The following FUBP3 variants were observed in gnomAD, a reference collection of about 807,000 sequenced individuals.
FUBP3 encodes far upstream element binding protein 3, also known as far upstream element-binding protein 3.
A neutral mutation model predicts 85.6 loss-of-function variants in FUBP3; 28 were observed. That is an observed-to-expected ratio of 0.33 (90% CI 0.24 to 0.45). The LOEUF (loss-of-function observed/expected upper bound fraction) is 0.45. Among genes scored for constraint, FUBP3 ranks in the 20% least tolerant of loss-of-function variants. The pLI, the probability that FUBP3 is intolerant of heterozygous loss-of-function variation, is 1.00. For synonymous variants in FUBP3, 271 were observed against 271.4 expected, an observed-to-expected ratio of 1.00 and a Z score of 0.01; for missense variants, 583 against 755.1, an observed-to-expected ratio of 0.77 and a Z score of 2.67.
At chr9:130,602,840 C>T in intron 2 of FUBP3, among the ~76,000 whole-genome samples, 1 of 152,098 alleles carries the variant, frequency 6.6e-6, no homozygotes, top group East Asian at 1.9e-4. Context: ...AGCTCCTTAC[C>T]TCCTGTCTGC....
intron 11 of FUBP3, among the ~76,000 whole-genome samples, chr9:130,624,874 T>G (rs780152529): frequency 6.6e-6 from 1 of 152,050 alleles, no homozygotes; most frequent in Admixed American, 6.6e-5. Context: ...TCACCTGAGG[T>G]CAGGAGTTCG....
chr9:130,614,613 C>G (rs1831909041), intron 6 of FUBP3, among the ~76,000 whole-genome samples: 1 of 152,200 alleles, frequency 6.6e-6, no homozygotes. Flanking sequence ...ACATTCACCC[C>G]ACCTGAATGC....
rs1283726157 is a variant in FUBP3 at position 130,612,848 on chromosome 9, G to A, written c.275-108G>A. ...GGGCTCACGGGGGCCAACTCGATGT[G>A]TAGTATTGTGAGCCAAGTGTCACAG... On this transcript the variant is annotated intron_variant, in intron 4 of 18. Transcript: ENST00000319725. This position sits in a 1 kb window ranked among gnomAD's most constrained non-coding sequence, Gnocchi z 4.1. The A allele has an allele frequency of 1.3e-6, 1 of 795,936 alleles. No homozygotes were observed. Among genetic ancestry groups the A allele is most frequent in the Non-Finnish European group, 2.2e-6 (1 of 457,484 alleles). The allele number at this position is 795,936 out of a possible 1,614,324, so 49.3% of individuals were successfully genotyped here. A position where few individuals can be genotyped will look rare whatever the true frequency, so the allele number is the denominator to read the frequency against.
chr9:130,590,928 A>G (rs1564191895), intron 1 of FUBP3, among the ~76,000 whole-genome samples: 1 of 151,426 alleles, frequency 6.6e-6, no homozygotes, highest in African/African-American at 2.4e-5. Flanking sequence ...AATCTTCGAC[A>G]TACCATTTAC....
In FUBP3 at chr9:130,638,165, G is replaced by T. The variant is rs1317420048; in HGVS notation, c.*1143G>T. The T allele has an allele frequency of 6.6e-6, 1 of 152,488 alleles. No homozygotes were observed. Among genetic ancestry groups the T allele is most frequent in the Non-Finnish European group, 1.5e-5 (1 of 68,022 alleles). The allele number at this position is 152,488 out of a possible 1,614,324, so 9.4% of individuals were successfully genotyped here. ...GACATTCCGTTTGAAATGTACTGAA[G>T]TTACAGTTTCTGGTTTTTTCTCCTT... On this transcript the variant is annotated 3_prime_UTR_variant, in exon 19 of 19. Transcript: ENST00000319725.
intron 2 of FUBP3, among the ~76,000 whole-genome samples, chr9:130,599,796 A>G (rs1232534249): frequency 6.6e-6 from 1 of 152,040 alleles, no homozygotes; most frequent in Non-Finnish European, 1.5e-5. Context: ...TTTCAACTGG[A>G]GCCTCTCCCT....
At chr9:130,582,746 T>C (rs1830186576) in intron 1 of FUBP3, among the ~76,000 whole-genome samples, 1 of 152,212 alleles carries the variant, frequency 6.6e-6, no homozygotes, top group South Asian at 2.1e-4. Context: ...CCTAAAAATA[T>C]TTTTAAATGT....
In FUBP3 at chr9:130,632,308, C is replaced by T. The variant is rs776521245; in HGVS notation, c.1510+30C>T. 6 of 1,557,706 alleles carry T rather than the reference C, an allele frequency of 3.9e-6. No homozygotes were observed. The South Asian group carries it at 6.7e-5, about 17-fold the overall frequency. ...GTGACTCGGGGCGGGGAGTGCATGCCCTCCAGAAAGGTTGCGGCCCACAGA... is the reference window on the plus strand; with the variant it reads ...GTGACTCGGGGCGGGGAGTGCATGCTCTCCAGAAAGGTTGCGGCCCACAGA... On this transcript the variant is annotated intron_variant, in intron 16 of 18. Transcript: ENST00000319725.
rs146846113 is a variant in FUBP3 at position 130,610,368 on chromosome 9, G to C, written c.224+381G>C. Among the ~76,000 whole-genome samples the C allele has an allele frequency of 4.7e-4, 72 of 152,334 alleles. 1 individual carries two copies. The East Asian group carries it at 0.014, about 29-fold the overall frequency. ...GAGACACCTCGAAGTGTGAGGGTCAGACACTCACAAGAGAATGCTTTGGGT... is the reference window on the plus strand; with the variant it reads ...GAGACACCTCGAAGTGTGAGGGTCACACACTCACAAGAGAATGCTTTGGGT... On this transcript the variant is annotated intron_variant, in intron 3 of 18. Coordinates refer to ENST00000319725, the MANE Select transcript of FUBP3 (RefSeq NM_003934.2).
At chr9:130,580,338 A>G (rs72763092) in intron 1 of FUBP3, among the ~76,000 whole-genome samples, 8 of 152,280 alleles carry the variant, frequency 5.3e-5, no homozygotes, top group Non-Finnish European at 1.0e-4. Context: ...GGAGAATGAT[A>G]TGGCCTCATT....
chr9:130,628,092 ACG>A (rs1235378741), intron 12 of FUBP3, among the ~76,000 whole-genome samples: 5 of 115,640 alleles, frequency 4.3e-5, no homozygotes, highest in African/African-American at 1.5e-4. Context: ...ACACGCACGC[ACG>A]CACGCACGCG....
At chr9:130,588,972 T>C (rs1039686732) in intron 1 of FUBP3, among the ~76,000 whole-genome samples, 4 of 152,140 alleles carry the variant, frequency 2.6e-5, no homozygotes, top group Non-Finnish European at 5.9e-5. Context: ...GCAAGTTGGG[T>C]CCCACACCCT....
intron 13 of FUBP3, chr9:130,631,313 G>T: frequency 5.7e-6 from 8 of 1,394,992 alleles, no homozygotes; most frequent in South Asian, 1.7e-5. Flanking sequence ...TACCCCCAGG[G>T]TGATGCCAGG....
rs1053068866 is a variant in FUBP3 at position 130,603,008 on chromosome 9, G to A, written c.191-6946G>A. Among the ~76,000 whole-genome samples, 3 of 152,116 alleles carry A rather than the reference G, an allele frequency of 2.0e-5. No individual in the cohort carries two copies. In the South Asian group the frequency reaches 6.2e-4, roughly 32 times the overall value. The stretch of plus-strand genomic sequence containing the variant: ...AGCAGTGGGGCCAGGCAAGAATTCT[G>A]AATGGAGAATCCCAAGGTAACAAAG... On this transcript the variant is annotated intron_variant, in intron 2 of 18. Coordinates refer to ENST00000319725, the MANE Select transcript of FUBP3 (RefSeq NM_003934.2).
intron 1 of FUBP3, among the ~76,000 whole-genome samples, chr9:130,584,696 CCGTCT>C (rs1830270899): frequency 6.7e-6 from 1 of 150,180 alleles, no homozygotes; most frequent in East Asian, 2.0e-4. Flanking sequence ...TGGCAAAACC[CCGTCT>C]CTACTAAAAA....
chr9:130,633,235 CCTTT>C, intron 16 of FUBP3, among the ~76,000 whole-genome samples: 1 of 152,240 alleles, frequency 6.6e-6, no homozygotes, highest in Non-Finnish European at 1.5e-5. Flanking sequence ...GTGTTTCTTC[CCTTT>C]TTTTCCCCAG....
chr9:130,583,512 T>C (rs1373210576), intron 1 of FUBP3, among the ~76,000 whole-genome samples: 5 of 152,252 alleles, frequency 3.3e-5, no homozygotes, highest in Admixed American at 6.5e-5. Flanking sequence ...TCAAGAGATC[T>C]AAGTGGTACT....
At position 130,637,738 on chromosome 9, in the gene FUBP3, C is replaced by CT. The variant is rs1830465466; in HGVS notation, c.*717dup. On this transcript the variant is annotated 3_prime_UTR_variant, in exon 19 of 19. Coordinates refer to ENST00000319725, the MANE Select transcript of FUBP3 (RefSeq NM_003934.2). ...TCCATTACCAGTTGCAATTGTGTAT[C>CT]TAAGACCTCCAAGCTTGTTTTTAAA... The CT allele has an allele frequency of 3.9e-5, 6 of 152,566 alleles. No individual in the cohort carries two copies. The South Asian group carries it at 1.2e-3, about 32-fold the overall frequency. 9.5% of individuals were successfully genotyped at this position (152,566 alleles called of 1,614,324 possible). A position where few individuals can be genotyped will look rare whatever the true frequency, so the allele number is the denominator to read the frequency against.
At chr9:130,615,159 CT>C (rs1831937616) in intron 6 of FUBP3, among the ~76,000 whole-genome samples, 1 of 152,190 alleles carries the variant, frequency 6.6e-6, no homozygotes, top group African/African-American at 2.4e-5. Context: ...ATAAATATCG[CT>C]GGCAGGTGTG....
Sources: allele counts gnomAD v4.1 joint callset (sites outside exome capture counted in the v4.1 genomes callset), GRCh38; gene constraint gnomAD v4.1.1; non-coding constraint Gnocchi (gnomAD v3.1); transcripts MANE v1.5; gene names NCBI Gene and HGNC (gene_info 2026-07-23, HGNC 2026-07-21).